CELSR1: variants seen among roughly 807,000 people sequenced by gnomAD.
CELSR1 encodes the protein adhesion G protein-coupled receptor C1.
A neutral mutation model predicts 249.1 loss-of-function variants in CELSR1; 110 were observed. That is an observed-to-expected ratio of 0.44 (90% CI 0.38 to 0.52). The LOEUF is 0.52. CELSR1 is among the 20% of genes least tolerant of loss of function. The probability of loss-of-function intolerance (pLI) is 0.00; values close to 1 mark genes in which losing one functional copy is unlikely to be tolerated. For missense variants in CELSR1, 4,109 were observed against 4,296.4 expected (o/e 0.96, Z 1.22); for synonymous variants, 2,113 against 1,900.0 (o/e 1.11, Z -2.92).
rs551346611 is a variant in CELSR1 at position 46,422,501 on chromosome 22, A to AG, written c.4612-10743dup. On this transcript the variant is annotated intron_variant, in intron 5 of 34. Transcript: ENST00000674500. ...GTAATCGCAGCACTTTGGGAGGCCA[A>AG]GGGGGGGCGGATCACGAGGTCAGGT... Among the ~76,000 whole-genome samples, 1,150 of 151,540 alleles carry AG rather than the reference A, an allele frequency of 7.6e-3. 8 individuals carry two copies. The highest frequency in any genetic ancestry group is 0.014 in the Non-Finnish European group (941 of 67,800).
rs2078707350 is a variant in CELSR1, at chr22:46,361,794, G to A, written c.*1429C>T. 1 of 152,240 alleles carries A rather than the reference G, an allele frequency of 6.6e-6. No individual in the cohort carries two copies. Among genetic ancestry groups the A allele is most frequent in the African/African-American group, 2.4e-5 (1 of 41,452 alleles). 9.4% of individuals were successfully genotyped at this position (152,240 alleles called of 1,614,324 possible). On this transcript the variant is annotated 3_prime_UTR_variant, in exon 35 of 35. Transcript: ENST00000674500. ...GTTTCTCCTATTTGGAAGCAGCTGT[G>A]CTGATCACTTATTTGGGCACCTGAT...
Position 46,428,182 on chromosome 22 carries a change from A to G in CELSR1, c.4611+5211T>C, listed in dbSNP as rs2079556704. Among the ~76,000 whole-genome samples, 1 of 152,206 alleles carries G rather than the reference A, an allele frequency of 6.6e-6. No homozygotes were observed. The highest frequency in any genetic ancestry group is 1.5e-5 in the Non-Finnish European group (1 of 68,036). ...TGCAACCGGGCCTCATGCTGTCTTT[A>G]TAAAAGCACTTTCCGCAGCATGCCA... On this transcript the variant is annotated intron_variant, in intron 5 of 34. Transcript: ENST00000674500. The surrounding 1 kb of genome is among the most constrained non-coding windows in gnomAD (Gnocchi z 5.7).
At chr22:46,397,444 G>A (rs932655136) in intron 12 of CELSR1, among the ~76,000 whole-genome samples, 1 of 151,992 alleles carries the variant, frequency 6.6e-6, no homozygotes, top group African/African-American at 2.4e-5. Flanking sequence ...TTTCTTTGCT[G>A]ATCACCCCAT....
chr22:46,460,205 A>ACCCACCCACACC (rs146876401), intron 2 of CELSR1, among the ~76,000 whole-genome samples: 2 of 134,478 alleles, frequency 1.5e-5, no homozygotes, highest in Non-Finnish European at 3.2e-5. Flanking sequence ...ACACACACAC[A>ACCCACCCACACC]CACACACACA....
At chr22:46,524,444 A>G (rs974134170) in intron 1 of CELSR1, among the ~76,000 whole-genome samples, 1 of 152,092 alleles carries the variant, frequency 6.6e-6, no homozygotes, top group Non-Finnish European at 1.5e-5. Context: ...AATCCCCATG[A>G]CAACTGGAAG....
intron 1 of CELSR1, among the ~76,000 whole-genome samples, chr22:46,501,370 T>G (rs1184190857): frequency 4.6e-5 from 7 of 152,050 alleles, no homozygotes; most frequent in Non-Finnish European, 5.9e-5. Context: ...CACGCCGGGC[T>G]AATTTTTGTA....
In CELSR1 at chr22:46,439,329, G is replaced by C. The variant is rs768839507; in HGVS notation, c.4266C>G (p.Leu1422=). The change falls in exon 3 of 35, where the codon CTC becomes CTG. Residue 1422 remains leucine (L), a synonymous_variant. Coordinates refer to ENST00000674500, the MANE Select transcript of CELSR1 (RefSeq NM_001378328.1). ...CKNGGTCVNL[L]IGGFHCVCPP... is the part of the protein sequence containing the mutation. ...GACACACGCAGTGGAAGCCGCCGAT[G>C]AGCAGGTTCACGCAGGTGCCCCCGT... 1 of 1,614,098 alleles carries C rather than the reference G, an allele frequency of 6.2e-7. No homozygotes were observed. Among genetic ancestry groups the C allele is most frequent in the Non-Finnish European group, 8.5e-7 (1 of 1,179,982 alleles).
chr22:46,523,882 A>G lies in CELSR1; in HGVS notation c.3544+9745T>C, dbSNP rs1323798797. ...AAGAGACCCCACAAGGACCCAGAGAAGGCTCCAAGGAGCCCCTTCTCCAGC... is the reference window on the plus strand; with the variant it reads ...AAGAGACCCCACAAGGACCCAGAGAGGGCTCCAAGGAGCCCCTTCTCCAGC... On this transcript the variant is annotated intron_variant, in intron 1 of 34. Transcript: ENST00000674500. Among the ~76,000 whole-genome samples, 3 of 152,286 alleles carry G rather than the reference A, an allele frequency of 2.0e-5. No homozygotes were observed. In the South Asian group the frequency reaches 6.2e-4, roughly 32 times the overall value.
At chr22:46,397,572 G>T in intron 12 of CELSR1, 102 bp downstream of exon 12, 1 of 1,094,910 alleles carries the variant, frequency 9.1e-7, no homozygotes, top group Non-Finnish European at 1.2e-6. Flanking sequence ...GGAACCACAG[G>T]GAGTTGGCTG....
intron 2 of CELSR1, among the ~76,000 whole-genome samples, chr22:46,455,509 G>A (rs1381324216): frequency 6.6e-6 from 1 of 152,098 alleles, no homozygotes; most frequent in Non-Finnish European, 1.5e-5. Context: ...GGATTACAGA[G>A]GTTCTAGTTT....
rs2078703308 is a variant in CELSR1, at chr22:46,361,457, T to C, written c.*1766A>G. 1 of 152,386 alleles carries C rather than the reference T, an allele frequency of 6.6e-6. No homozygotes were observed. Among genetic ancestry groups the C allele is most frequent in the South Asian group, 2.1e-4 (1 of 4,828 alleles). The allele number at this position is 152,386 out of a possible 1,614,324, so 9.4% of individuals were successfully genotyped here. ...AATTACACCTCAGGGGGCAGAATCC[T>C]GTTAAAGTCATGAAAGGAGACTGTT... On this transcript the variant is annotated 3_prime_UTR_variant, in exon 35 of 35. Coordinates refer to ENST00000674500, the MANE Select transcript of CELSR1 (RefSeq NM_001378328.1).
intron 5 of CELSR1, among the ~76,000 whole-genome samples, chr22:46,416,394 C>T (rs959933601): frequency 6.6e-6 from 1 of 152,192 alleles, no homozygotes; most frequent in African/African-American, 2.4e-5. Context: ...CCAACCCCTG[C>T]ACCAACACCC....
At position 46,456,469 on chromosome 22, in the gene CELSR1, T is replaced by C. The variant is rs561503646; in HGVS notation, c.4183+7238A>G. ...GGTCAGGAGATCGAGACCGTCATGG[T>C]TAACAAGGTGACACCCCGTCTCTAC... On this transcript the variant is annotated intron_variant, in intron 2 of 34. Coordinates refer to ENST00000674500, the MANE Select transcript of CELSR1 (RefSeq NM_001378328.1). Among the ~76,000 whole-genome samples the C allele has an allele frequency of 2.3e-4, 35 of 151,818 alleles. No homozygotes were observed. The South Asian group carries it at 4.2e-3, about 18-fold the overall frequency.
At chr22:46,523,880 G>T (rs1333890699) in intron 1 of CELSR1, among the ~76,000 whole-genome samples, 1 of 152,174 alleles carries the variant, frequency 6.6e-6, no homozygotes, top group Non-Finnish European at 1.5e-5. Context: ...AGGACCCAGA[G>T]AAGGCTCCAA....
chr22:46,463,732 G>A lies in CELSR1; in HGVS notation c.4158C>T (p.Thr1386=), dbSNP rs762715601. 7.8e-6 allele frequency: 12 copies of A among 1,534,780 alleles called. No homozygotes were observed. The highest frequency in any genetic ancestry group is 1.3e-5 in the South Asian group (1 of 77,648). ...GRCRSREGGY[T]CECFEDFTGE... is the part of the protein sequence containing the mutation. ...CAGTGAAGTCCTCGAAGCACTCGCAGGTGTAGCCGCCCTCGCGGCTGCGGC... is the reference window on the plus strand; with the variant it reads ...CAGTGAAGTCCTCGAAGCACTCGCAAGTGTAGCCGCCCTCGCGGCTGCGGC... The change falls in exon 2 of 35, where the codon ACC becomes ACT. Residue 1386 remains threonine, a synonymous_variant. Coordinates refer to ENST00000674500, the MANE Select transcript of CELSR1 (RefSeq NM_001378328.1).
chr22:46,416,440 G>C (rs1371627108), intron 5 of CELSR1, among the ~76,000 whole-genome samples: 1 of 151,750 alleles, frequency 6.6e-6, no homozygotes, highest in Admixed American at 6.6e-5. Context: ...CTCGCTTCCA[G>C]GACATAAAGC....
In CELSR1 at chr22:46,384,472, C is replaced by G. The variant is rs6007896; in HGVS notation, c.6883+71G>C. ...TTCAGTGCGCAGGTCCTGCGATGCC[C>G]GCAGCGGGGCCCTCCCCTCCCTGAA... On this transcript the variant is annotated intron_variant, in intron 20 of 34. Transcript: ENST00000674500. The G allele has an allele frequency of 3.4e-3, 5,154 of 1,495,494 alleles. 150 individuals are homozygous for G. The African/African-American group carries it at 0.063, about 18-fold the overall frequency. 92.6% of individuals were successfully genotyped at this position (1,495,494 alleles called of 1,614,324 possible).
At position 46,363,343 on chromosome 22, in the gene CELSR1, C is replaced by G; in HGVS notation, c.9036-96G>C. On this transcript the variant is annotated intron_variant, in intron 34 of 34. Transcript: ENST00000674500. This position sits in a 1 kb window ranked among gnomAD's most constrained non-coding sequence, Gnocchi z 4.3. ...TGTCACACGGGGGGGCAGGATCACC[C>G]CATCAGGGTAGAGGGGGCGTCTGGG... 2 of 1,088,276 alleles carry G rather than the reference C, an allele frequency of 1.8e-6. No homozygotes were observed. Among genetic ancestry groups the G allele is most frequent in the Non-Finnish European group, 2.7e-6 (2 of 738,350 alleles). The allele number at this position is 1,088,276 out of a possible 1,614,324, so 67.4% of individuals were successfully genotyped here.
chr22:46,403,028 G>A (rs1049312469), intron 9 of CELSR1, among the ~76,000 whole-genome samples: 1 of 152,062 alleles, frequency 6.6e-6, no homozygotes, highest in African/African-American at 2.4e-5. Flanking sequence ...GTAGACTTAA[G>A]GCAAAAGTCC....
Sources: gnomAD v4.1 joint callset for allele counts (sites outside exome capture counted in the v4.1 genomes callset) on GRCh38, gnomAD v4.1.1 for gene constraint, Gnocchi (gnomAD v3.1) non-coding constraint, MANE v1.5 for transcripts, NCBI Gene and HGNC (gene_info 2026-07-23, HGNC 2026-07-21) for gene names.